Variants in RBM46 observed in about 807,000 individuals in gnomAD.
The protein encoded by RBM46 is RNA binding motif protein 46, also known as probable RNA-binding protein 46.
In RBM46, 12 loss-of-function variants were observed where a neutral mutation model predicts 43.3. That is an observed-to-expected ratio of 0.28 (90% confidence interval 0.18 to 0.45). RBM46 has a LOEUF of 0.45. RBM46 is among the 20% of genes least tolerant of loss of function. The pLI, the probability that RBM46 is intolerant of heterozygous loss-of-function variation, is 1.00. For synonymous variants in RBM46, 205 were observed against 207.6 expected, an observed-to-expected ratio of 0.99 and a Z score of 0.11; for missense variants, 412 against 639.1, an observed-to-expected ratio of 0.64 and a Z score of 3.83.
Position 154,797,947 on chromosome 4 carries a change from T to C in RBM46, c.288T>C (p.Phe96=). 6 of 1,613,268 alleles carry C rather than the reference T, an allele frequency of 3.7e-6. No homozygotes were observed. The South Asian group carries it at 5.5e-5, about 15-fold the overall frequency. ...KIYEFRLMME[F]SGENRGYAFV... ...ATGAATTTCGACTTATGATGGAATT[T>C]AGTGGTGAAAATCGAGGTTATGCTT... The change falls in exon 3 of 5, where the codon TTT becomes TTC. Residue 96 remains phenylalanine, a synonymous_variant. Coordinates refer to ENST00000281722, the MANE Select transcript of RBM46 (RefSeq NM_144979.5).
intron 1 of RBM46, among the ~76,000 whole-genome samples, chr4:154,782,858 T>C (rs1733568228): frequency 6.6e-6 from 1 of 152,164 alleles, no homozygotes; most frequent in African/African-American, 2.4e-5. Flanking sequence ...AAGCAGGATA[T>C]GTTGCGTGTA....
intron 4 of RBM46, among the ~76,000 whole-genome samples, chr4:154,802,344 T>A (rs1269954636): frequency 6.6e-6 from 1 of 152,150 alleles, no homozygotes; most frequent in Non-Finnish European, 1.5e-5. Context: ...GTCATTAAAG[T>A]AGGGCCAGGA....
At chr4:154,816,668 C>T (rs78457619) in intron 4 of RBM46, among the ~76,000 whole-genome samples, 2,079 of 152,076 alleles carry the variant, frequency 0.014, 27 homozygotes, top group Non-Finnish European at 0.02. Context: ...TCCTTTCCAT[C>T]CTTTATACAC....
At position 154,798,808 on chromosome 4, in the gene RBM46, A is replaced by G. The variant is rs1734473751; in HGVS notation, c.646A>G (p.Ile216Val). The change falls in exon 4 of 5, where the codon ATT becomes GTT. Residue 216 changes from isoleucine to valine, a missense_variant. Coordinates refer to ENST00000281722, the MANE Select transcript of RBM46 (RefSeq NM_144979.5). The stretch of plus-strand genomic sequence containing the variant: ...AACATTCCAACTATGGGGCCACACC[A>G]TTCAGGTAGATTGGGCTGACCCAGA... ...PGTFQLWGHT[I>V]QVDWADPEKE... The G allele has an allele frequency of 6.4e-7, 1 of 1,550,778 alleles. No individual in the cohort carries two copies. Among genetic ancestry groups the G allele is most frequent in the African/African-American group, 1.4e-5 (1 of 71,874 alleles).
At chr4:154,815,215 GCTGT>G (rs1375878372) in intron 4 of RBM46, among the ~76,000 whole-genome samples, 4 of 151,884 alleles carry the variant, frequency 2.6e-5, no homozygotes, top group African/African-American at 9.7e-5. Flanking sequence ...TATATAACTT[GCTGT>G]CTTTGTTGAT....
rs1734372273 is a variant in RBM46, at chr4:154,796,763, A to T, written c.11A>T (p.Glu4Val). ...TTAGGAACTGCAACCATGAATGAAG[A>T]AAATATAGATGGAACAAATGGATGC... MNE[E>V]NIDGTNGCSK... The change falls in exon 2 of 5, where the codon GAA (glutamate) becomes GTA (valine). Residue 4 changes from glutamate to valine, a missense_variant. Glu to Val is a moderately radical substitution (Grantham distance 121, BLOSUM62 -2). This residue lies in a region of RBM46 where 23 missense variants were observed against 22.9 expected (regional missense o/e 1.00). Coordinates refer to ENST00000281722, the MANE Select transcript of RBM46 (RefSeq NM_144979.5). 1 of 1,605,744 alleles carries T rather than the reference A, an allele frequency of 6.2e-7. No individual in the cohort carries two copies. Among genetic ancestry groups the T allele is most frequent in the Non-Finnish European group, 8.5e-7 (1 of 1,177,206 alleles).
At chr4:154,793,791 A>G (rs890704762) in intron 1 of RBM46, among the ~76,000 whole-genome samples, 1 of 152,222 alleles carries the variant, frequency 6.6e-6, no homozygotes, top group Non-Finnish European at 1.5e-5. Context: ...TTTAGTAGCC[A>G]CTGCCTTTTT....
intron 4 of RBM46, among the ~76,000 whole-genome samples, chr4:154,817,907 G>T (rs571390153): frequency 8.6e-5 from 13 of 151,522 alleles, no homozygotes; most frequent in Non-Finnish European, 1.8e-4. Context: ...TAATCTCTTA[G>T]TCCTTACTCT....
intron 2 of RBM46, 94 bp downstream of exon 2, chr4:154,796,997 C>G: frequency 1.0e-6 from 1 of 995,424 alleles, no homozygotes. Flanking sequence ...CAATAGCTCT[C>G]TCCTTGTAAC....
chr4:154,795,044 A>T (rs544189834), intron 1 of RBM46, among the ~76,000 whole-genome samples: 154 of 152,336 alleles, frequency 1.0e-3, no homozygotes, highest in Non-Finnish European at 1.9e-3. Flanking sequence ...GAACAAATGA[A>T]TGCATTTTGA....
intron 4 of RBM46, chr4:154,827,218 A>G (rs1479322969): frequency 1.1e-6 from 1 of 901,202 alleles, no homozygotes; most frequent in Non-Finnish European, 1.3e-6. Flanking sequence ...CTGTACTATA[A>G]GTTGATAATG....
intron 1 of RBM46, among the ~76,000 whole-genome samples, chr4:154,795,195 G>T (rs1734290072): frequency 6.6e-6 from 1 of 152,078 alleles, no homozygotes; most frequent in Non-Finnish European, 1.5e-5. Flanking sequence ...CTACCCTGAG[G>T]TAGAAACTAT....
intron 4 of RBM46, among the ~76,000 whole-genome samples, chr4:154,821,173 G>C (rs1450601491): frequency 1.3e-5 from 2 of 151,698 alleles, no homozygotes; most frequent in Non-Finnish European, 3.0e-5. Context: ...AAAGAGAAAT[G>C]CTTGTTATAC....
In RBM46 at chr4:154,827,982, A is replaced by G. The variant is rs201454455; in HGVS notation, c.1517A>G (p.Tyr506Cys). ...YTSRPYSYPG[Y>C]PLSPTISLAN... ...TCAAGGCCTTATTCTTATCCAGGCT[A>G]TCCTTTGTCACCAACAATATCACTT... The change falls in exon 5 of 5, where the codon TAT becomes TGT. Residue 506 changes from tyrosine (Y) to cysteine (C), a missense_variant. Tyr to Cys is a radical substitution (Grantham distance 194). Transcript: ENST00000281722. 125 of 1,613,952 alleles carry G rather than the reference A, an allele frequency of 7.7e-5. No individual in the cohort carries two copies. Among genetic ancestry groups the G allele is most frequent in the East Asian group, 3.1e-4 (14 of 44,868 alleles).
Position 154,799,544 on chromosome 4 carries a change from A to T in RBM46, c.1382A>T (p.Gln461Leu). The T allele has an allele frequency of 6.4e-7, 1 of 1,558,502 alleles. No homozygotes were observed. The highest frequency in any genetic ancestry group is 8.7e-7 in the Non-Finnish European group (1 of 1,155,508). Residue 461 changes from glutamine to leucine, a missense_variant, in exon 4 of 5, where the codon CAG becomes CTG. Gln to Leu is a moderately radical substitution (Grantham distance 113, BLOSUM62 -2). Around this residue, in one of 8 missense-constraint regions of RBM46, gnomAD observed 149 missense variants for 156.3 expected, o/e 0.95. Coordinates refer to ENST00000281722, the MANE Select transcript of RBM46 (RefSeq NM_144979.5). ...GAAGATGCAAAGGAACTGGCAGCCC[A>T]GTTTACATTACTTCATTTGGGTAAG... The part of the protein sequence containing the change: ...TLEDAKELAA[Q>L]FTLLHLDYNF...
intron 1 of RBM46, 40 bp from the exon 2 acceptor site, chr4:154,796,702 C>G: frequency 7.4e-7 from 1 of 1,346,442 alleles, no homozygotes; most frequent in African/African-American, 1.5e-5. Flanking sequence ...TCTTGGTATT[C>G]TGTTGTAAAC....
At chr4:154,804,124 C>T (rs2111157366) in intron 4 of RBM46, among the ~76,000 whole-genome samples, 1 of 152,284 alleles carries the variant, frequency 6.6e-6, no homozygotes, top group Non-Finnish European at 1.5e-5. Flanking sequence ...CAGATTCTGG[C>T]ACCATGCTTG....
chr4:154,791,126 A>G (rs1398503217), intron 1 of RBM46, among the ~76,000 whole-genome samples: 1 of 152,212 alleles, frequency 6.6e-6, no homozygotes, highest in Non-Finnish European at 1.5e-5. Context: ...AACTTAATAG[A>G]TAGGCTAAGG....
chr4:154,819,502 G>A (rs547321974), intron 4 of RBM46, among the ~76,000 whole-genome samples: 1 of 152,172 alleles, frequency 6.6e-6, no homozygotes, highest in African/African-American at 2.4e-5. Flanking sequence ...CCCATAATTC[G>A]TCACTGTCTT....
Sources: gnomAD v4.1 joint callset for allele counts (sites outside exome capture counted in the v4.1 genomes callset) on GRCh38, gnomAD v4.1.1 for gene constraint, gnomAD v4.1.1 regional missense constraint, MANE v1.5 for transcripts, NCBI Gene and HGNC (gene_info 2026-07-23, HGNC 2026-07-21) for gene names.